The following ANKS1B variants were observed in gnomAD, a reference collection of about 807,000 sequenced individuals.
ANKS1B encodes ankyrin repeat and sterile alpha motif domain-containing protein 1B.
Under a neutral mutation model 148.3 loss-of-function variants are expected in ANKS1B, and 36 were observed. The observed-to-expected ratio is 0.24, with a 90% CI of 0.19 to 0.32. The LOEUF (loss-of-function observed/expected upper bound fraction) is 0.32. Among genes scored for constraint, ANKS1B ranks in the 10% least tolerant of loss-of-function variants. The probability of loss-of-function intolerance (pLI) is 1.00; values close to 1 mark genes in which losing one functional copy is unlikely to be tolerated. For synonymous variants in ANKS1B, 542 were observed against 560.8 expected (o/e 0.97, Z 0.47); for missense variants, 1,157 against 1,542.6 (o/e 0.75, Z 4.19).
rs537188779 is a variant in ANKS1B, at chr12:99,745,981, AT to A, written c.1128+26940del. On this transcript the variant is annotated intron_variant, in intron 8 of 26. Transcript: ENST00000683438. Reference sequence around the variant, plus strand: ...ACATTAATAGGAGTTCATGAGCCATATACGGTTGGAAAAATATGCTCTTAGA... The same window carrying A: ...ACATTAATAGGAGTTCATGAGCCATAACGGTTGGAAAAATATGCTCTTAGA... Among the ~76,000 whole-genome samples, 42 of 152,276 alleles carry A rather than the reference AT, an allele frequency of 2.8e-4. No individual in the cohort carries two copies. The East Asian group carries it at 7.7e-3, about 28-fold the overall frequency.
intron 26 of ANKS1B, among the ~76,000 whole-genome samples, chr12:98,749,384 G>A (rs2098009421): frequency 6.6e-6 from 1 of 152,090 alleles, no homozygotes; most frequent in Admixed American, 6.5e-5. Flanking sequence ...TGGGATTACA[G>A]GCGTGAGCCA....
chr12:99,081,903 A>C (rs2049916307), intron 16 of ANKS1B, among the ~76,000 whole-genome samples: 1 of 152,194 alleles, frequency 6.6e-6, no homozygotes, highest in African/African-American at 2.4e-5. Flanking sequence ...TCATTCTTAA[A>C]AGAATGTCTA....
Position 99,062,236 on chromosome 12 carries a change from A to G in ANKS1B, c.2626-8927T>C, listed in dbSNP as rs112989968. On this transcript the variant is annotated intron_variant, in intron 16 of 26. Coordinates refer to ENST00000683438, the MANE Select transcript of ANKS1B (RefSeq NM_001352186.2). ...CTGATTAGTAATGTGAAAGATTAAA[A>G]GAATATCTATCGCTGAGCGTTGCCA... 4.7e-4 allele frequency among the ~76,000 whole-genome samples: 72 copies of G among 152,358 alleles called. 1 individual carries two copies. Among genetic ancestry groups the G allele is most frequent in the African/African-American group, 1.4e-3 (59 of 41,572 alleles).
intron 9 of ANKS1B, among the ~76,000 whole-genome samples, chr12:99,620,936 C>T (rs1273562774): frequency 6.6e-6 from 1 of 152,024 alleles, no homozygotes; most frequent in Non-Finnish European, 1.5e-5. Context: ...ACAAAATGAA[C>T]ATCATCAAGG....
At chr12:98,790,140 A>G (rs182653323) in intron 22 of ANKS1B, among the ~76,000 whole-genome samples, 170 of 152,306 alleles carry the variant, frequency 1.1e-3, no homozygotes, top group African/African-American at 3.9e-3. Flanking sequence ...TGTGTGAAAA[A>G]ACACACTGTT....
intron 4 of ANKS1B, among the ~76,000 whole-genome samples, chr12:99,791,573 T>C (rs1446643571): frequency 6.6e-6 from 1 of 151,906 alleles, no homozygotes; most frequent in Non-Finnish European, 1.5e-5. Context: ...CTGACCACAA[T>C]GGAATAAAAC....
chr12:99,425,097 G>A (rs1467153433), intron 11 of ANKS1B, among the ~76,000 whole-genome samples: 2 of 152,058 alleles, frequency 1.3e-5, no homozygotes, highest in Non-Finnish European at 2.9e-5. Context: ...CGGTTCACAA[G>A]TCATTCATTG....
intron 8 of ANKS1B, among the ~76,000 whole-genome samples, chr12:99,661,643 A>G (rs2098478064): frequency 6.6e-6 from 1 of 152,074 alleles, no homozygotes; most frequent in Admixed American, 6.6e-5. Flanking sequence ...TTACCTTAGC[A>G]CATGTGGTTT....
chr12:99,311,996 G>A (rs1006743123), intron 12 of ANKS1B, among the ~76,000 whole-genome samples: 4 of 152,206 alleles, frequency 2.6e-5, no homozygotes, highest in African/African-American at 7.2e-5. Context: ...GTATGATAGC[G>A]AGTTTTATTA....
chr12:99,457,591 C>A (rs1265857007), intron 10 of ANKS1B, among the ~76,000 whole-genome samples: 2 of 152,072 alleles, frequency 1.3e-5, no homozygotes, highest in South Asian at 4.1e-4. Flanking sequence ...AAAGATACTT[C>A]ATGCAAATAG....
At chr12:99,230,909 G>T (rs2086732694) in intron 14 of ANKS1B, among the ~76,000 whole-genome samples, 1 of 152,048 alleles carries the variant, frequency 6.6e-6, no homozygotes, top group South Asian at 2.1e-4. Context: ...AGATAAAATA[G>T]CATGCTTGTG....
At chr12:99,502,974 T>C (rs1045075292) in intron 10 of ANKS1B, among the ~76,000 whole-genome samples, 1 of 152,242 alleles carries the variant, frequency 6.6e-6, no homozygotes, top group Non-Finnish European at 1.5e-5. Flanking sequence ...TATCACTGTG[T>C]CACCCAGGCT....
At chr12:99,844,927 T>A (rs2153700730) in intron 1 of ANKS1B, among the ~76,000 whole-genome samples, 1 of 152,286 alleles carries the variant, frequency 6.6e-6, no homozygotes, top group South Asian at 2.1e-4. Context: ...GGTTTGTAGT[T>A]CTTTTTAAAG....
chr12:99,453,662 C>A (rs1448038504), intron 10 of ANKS1B, among the ~76,000 whole-genome samples: 3 of 152,182 alleles, frequency 2.0e-5, no homozygotes, highest in Non-Finnish European at 4.4e-5. Context: ...AGTTTCCTGA[C>A]CCTGTGAGAT....
intron 19 of ANKS1B, among the ~76,000 whole-genome samples, chr12:98,815,116 AT>A (rs1262010667): frequency 6.6e-6 from 1 of 152,132 alleles, no homozygotes; most frequent in Non-Finnish European, 1.5e-5. Flanking sequence ...TCTCCCCTTC[AT>A]TATGGTTTGT....
intron 19 of ANKS1B, among the ~76,000 whole-genome samples, chr12:98,823,160 T>G (rs946421224): frequency 6.6e-6 from 1 of 152,230 alleles, no homozygotes; most frequent in Non-Finnish European, 1.5e-5. Context: ...AGGGCACAGA[T>G]ATCATCAACA....
intron 1 of ANKS1B, among the ~76,000 whole-genome samples, chr12:99,929,879 C>T (rs2094568530): frequency 1.3e-5 from 2 of 151,158 alleles, no homozygotes; most frequent in African/African-American, 4.9e-5. Context: ...GTACCAGTAC[C>T]ATGCTGTTTT....
chr12:98,751,576 G>A lies in ANKS1B; in HGVS notation c.3580-54C>T, dbSNP rs2098090666. The A allele has an allele frequency of 2.6e-6, 4 of 1,564,826 alleles. No homozygotes were observed. The Admixed American group carries it at 5.1e-5, about 20-fold the overall frequency. On this transcript the variant is annotated intron_variant, in intron 25 of 26. Coordinates refer to ENST00000683438, the MANE Select transcript of ANKS1B (RefSeq NM_001352186.2). The surrounding 1 kb of genome is among the most constrained non-coding windows in gnomAD (Gnocchi z 4.3). ...ACTGGCACACTGCAAATTAGAATGG[G>A]TCGAATGGCTGAGGAACACTGAGGG...
At chr12:99,308,991 T>C (rs1448985226) in intron 12 of ANKS1B, among the ~76,000 whole-genome samples, 2 of 150,998 alleles carry the variant, frequency 1.3e-5, no homozygotes, top group African/African-American at 4.8e-5. Flanking sequence ...GTAATAGATG[T>C]GTATACTACA....
Sources: gnomAD v4.1 joint callset for allele counts (sites outside exome capture counted in the v4.1 genomes callset) on GRCh38, gnomAD v4.1.1 for gene constraint, Gnocchi (gnomAD v3.1) non-coding constraint, MANE v1.5 for transcripts, NCBI Gene and HGNC (gene_info 2026-07-23, HGNC 2026-07-21) for gene names.